IGSF5: variants seen among roughly 807,000 people sequenced by gnomAD.
IGSF5 encodes immunoglobulin superfamily 5 like.
A neutral mutation model predicts 39.4 loss-of-function variants in IGSF5; 41 were observed. The observed-to-expected ratio is 1.04, with a 90% CI of 0.81 to 1.35. The LOEUF (loss-of-function observed/expected upper bound fraction) is 1.35. IGSF5 is among the 40% of genes most tolerant of loss of function. IGSF5 has a pLI of 0.00. For missense variants in IGSF5, 487 were observed against 494.6 expected, an observed-to-expected ratio of 0.98 and a Z score of 0.15; for synonymous variants, 183 against 175.3, an observed-to-expected ratio of 1.04 and a Z score of -0.34.
At chr21:39,738,524 A>G in the IGSF5 span, among the ~76,000 whole-genome samples, 7 of 152,170 alleles carry the variant, frequency 4.6e-5, no homozygotes, top group Non-Finnish European at 1.0e-4. The surrounding 1 kb of genome is among the most constrained non-coding windows in gnomAD (Gnocchi z 6.4). Flanking sequence ...AAAGGCATAC[A>G]CATTTTACTT....
Position 39,770,901 on chromosome 21 carries a change from T to G in IGSF5, c.419-15T>G. ...TGGTCATGTCTTCAATGTGTTTCTC[T>G]CTTTTCTTCTTTAGTTATGGGAGAG... On this transcript the variant is annotated splice_polypyrimidine_tract_variant and intron_variant, in intron 3 of 8. Coordinates refer to ENST00000380588, the MANE Select transcript of IGSF5 (RefSeq NM_001080444.2). The G allele has an allele frequency of 6.8e-7, 1 of 1,465,646 alleles. No homozygotes were observed. The highest frequency in any genetic ancestry group is 9.0e-7 in the Non-Finnish European group (1 of 1,105,534). The allele number at this position is 1,465,646 out of a possible 1,614,324, so 90.8% of individuals were successfully genotyped here.
intron 6 of IGSF5, among the ~76,000 whole-genome samples, chr21:39,790,370 A>G (rs2086956672): frequency 1.3e-5 from 2 of 152,284 alleles, no homozygotes. Flanking sequence ...TACAAACACT[A>G]CTGCTCTGGC....
chr21:39,795,141 G>A (rs1177949657), intron 8 of IGSF5, among the ~76,000 whole-genome samples: 2 of 152,116 alleles, frequency 1.3e-5, no homozygotes, highest in African/African-American at 4.8e-5. Context: ...TCCTCAGGCC[G>A]GGTGTCAGGA....
intron 4 of IGSF5, among the ~76,000 whole-genome samples, chr21:39,774,799 C>T (rs748059076): frequency 6.6e-6 from 1 of 152,166 alleles, no homozygotes; most frequent in Non-Finnish European, 1.5e-5. Flanking sequence ...CTGGTTATAA[C>T]CTTACTGTTT....
intron 2 of IGSF5, among the ~76,000 whole-genome samples, chr21:39,753,276 A>G (rs1249186447): frequency 1.3e-5 from 2 of 151,876 alleles, no homozygotes; most frequent in African/African-American, 4.8e-5. Flanking sequence ...TTTTTTTTGT[A>G]TGCTCGGTTG....
chr21:39,768,324 T>A (rs973912879), intron 3 of IGSF5, among the ~76,000 whole-genome samples: 3 of 152,238 alleles, frequency 2.0e-5, no homozygotes, highest in African/African-American at 4.8e-5. Flanking sequence ...AATTATTCTA[T>A]GATTTTTTCA....
intron 2 of IGSF5, among the ~76,000 whole-genome samples, chr21:39,748,298 G>GT (rs2079985626): frequency 1.7e-5 from 1 of 57,328 alleles, no homozygotes; most frequent in Non-Finnish European, 4.3e-5. Context: ...GAGAAAACAA[G>GT]ATCTTTTTTT....
chr21:39,787,012 G>T (rs554875306), intron 5 of IGSF5, among the ~76,000 whole-genome samples: 33 of 152,272 alleles, frequency 2.2e-4, no homozygotes, highest in African/African-American at 7.7e-4. Flanking sequence ...ATTGCTAGAT[G>T]GTGAGTTAGT....
chr21:39,735,601 A>G, the IGSF5 span, among the ~76,000 whole-genome samples: 38 of 152,360 alleles, frequency 2.5e-4, no homozygotes, highest in Non-Finnish European at 5.1e-4. Context: ...AAAAGATAAC[A>G]TCATGGTTCT....
intron 2 of IGSF5, among the ~76,000 whole-genome samples, chr21:39,755,033 G>A (rs564216101): frequency 6.6e-6 from 1 of 152,322 alleles, no homozygotes; most frequent in South Asian, 2.1e-4. Context: ...GCAGAATGGA[G>A]TGTTGAGTAA....
In IGSF5 at chr21:39,770,990, C is replaced by T; in HGVS notation, c.493C>T (p.Pro165Ser). 6.2e-7 allele frequency: 1 copy of T among 1,613,338 alleles called. No individual in the cohort carries two copies. The highest frequency in any genetic ancestry group is 1.1e-5 in the South Asian group (1 of 90,860). ...TGAACCTTGTGAAGTTACTTGTCTA[C>T]CCTCACACTGGACCCGGCTCCCGGA... ...ENEPCEVTCL[P>S]SHWTRLPDIS... Residue 165 changes from proline (P) to serine (S), a missense_variant, in exon 4 of 9, where the codon CCC becomes TCC. Pro to Ser is a moderately conservative substitution (Grantham distance 74). Coordinates refer to ENST00000380588, the MANE Select transcript of IGSF5 (RefSeq NM_001080444.2).
intron 2 of IGSF5, among the ~76,000 whole-genome samples, chr21:39,746,758 C>T (rs1186622451): frequency 6.6e-6 from 1 of 152,178 alleles, no homozygotes; most frequent in Non-Finnish European, 1.5e-5. Context: ...GCTCAGCACA[C>T]TGTCAGGGCT....
At chr21:39,765,510 A>C in intron 2 of IGSF5, 25 bp from the exon 3 acceptor site, 1 of 1,599,850 alleles carries the variant, frequency 6.3e-7, no homozygotes, top group Non-Finnish European at 8.6e-7. Flanking sequence ...TCATTTAACA[A>C]CTTGAAAAAT....
At chr21:39,791,033 G>T (rs1026735109) in intron 6 of IGSF5, among the ~76,000 whole-genome samples, 1 of 152,136 alleles carries the variant, frequency 6.6e-6, no homozygotes, top group African/African-American at 2.4e-5. Flanking sequence ...GCAAATTTTG[G>T]TATCTGCAGG....
intron 4 of IGSF5, among the ~76,000 whole-genome samples, chr21:39,778,238 C>T (rs2080150886): frequency 6.6e-6 from 1 of 152,312 alleles, no homozygotes; most frequent in African/African-American, 2.4e-5. Context: ...TGACTGAGCA[C>T]TTGAAATGTG....
At chr21:39,739,690 G>A in the IGSF5 span, among the ~76,000 whole-genome samples, 7 of 152,134 alleles carry the variant, frequency 4.6e-5, no homozygotes, top group East Asian at 1.9e-4. Flanking sequence ...AGTAGGGGTT[G>A]TGCAGTTGAG....
intron 5 of IGSF5, among the ~76,000 whole-genome samples, chr21:39,781,202 C>A (rs1386385153): frequency 1.8e-5 from 1 of 55,318 alleles, no homozygotes; most frequent in Non-Finnish European, 4.4e-5. Flanking sequence ...TTCTTATATT[C>A]TCTTCCTTAC....
At position 39,779,117 on chromosome 21, in the gene IGSF5, G is replaced by A. The variant is rs774315775; in HGVS notation, c.746G>A (p.Gly249Asp). 1.7e-5 allele frequency: 28 copies of A among 1,612,674 alleles called. No individual in the cohort carries two copies. The Middle Eastern group carries it at 8.2e-4, about 47-fold the overall frequency. The part of the protein sequence containing the change: ...QDTGGGINIP[G>D]VLSSLPSLGF... ...ACTGGAGGTGGTATTAATATTCCAG[G>A]TGTATTATCAAGTTTACCGAGTTTA... is the stretch of plus-strand genomic sequence containing the variant. The change falls in exon 5 of 9, where the codon GGT (glycine) becomes GAT (aspartate). Residue 249 changes from glycine (G) to aspartate (D), a missense_variant. By Grantham distance (94) the Gly-to-Asp change is moderately conservative (BLOSUM62 -1). Transcript: ENST00000380588.
chr21:39,781,353 G>A (rs1413322418), intron 5 of IGSF5, among the ~76,000 whole-genome samples: 2 of 151,334 alleles, frequency 1.3e-5, no homozygotes, highest in South Asian at 2.1e-4. Flanking sequence ...TTGTGTAGAT[G>A]TACCATGGTT....
Sources: gnomAD v4.1 joint callset for allele counts (sites outside exome capture counted in the v4.1 genomes callset) on GRCh38, gnomAD v4.1.1 for gene constraint, Gnocchi (gnomAD v3.1) non-coding constraint, MANE v1.5 for transcripts, NCBI Gene and HGNC (gene_info 2026-07-23, HGNC 2026-07-21) for gene names.